LHX9: variants seen among roughly 807,000 people sequenced by gnomAD.
The protein encoded by LHX9 is LIM homeobox 9, also known as LIM/homeobox protein Lhx9.
LHX9 carries 9 observed loss-of-function variants against 36.5 expected under a neutral mutation model. The observed-to-expected ratio is 0.25, with a 90% CI of 0.15 to 0.43. The LOEUF is 0.43. LHX9 is among the 20% of genes least tolerant of loss of function. The pLI, the probability that LHX9 is intolerant of heterozygous loss-of-function variation, is 1.00. For synonymous variants in LHX9, 211 were observed against 212.1 expected (o/e 0.99, Z 0.04); for missense variants, 464 against 526.4 (o/e 0.88, Z 1.16).
intron 1 of LHX9, chr1:197,918,317 C>A: frequency 1.4e-6 from 1 of 717,458 alleles, no homozygotes; most frequent in Non-Finnish European, 2.6e-6. Context: ...CCGGGGCAGG[C>A]GTCTCCCCGG....
chr1:197,917,865 T>C lies in LHX9; in HGVS notation c.42T>C (p.Pro14=). 6.2e-7 allele frequency: 1 copy of C among 1,614,228 alleles called. No homozygotes were observed. The highest frequency in any genetic ancestry group is 8.5e-7 in the Non-Finnish European group (1 of 1,180,036). The change falls in exon 1 of 5, where the codon CCT becomes CCC. Residue 14 remains proline (P), a synonymous_variant. Coordinates refer to ENST00000367387, the MANE Select transcript of LHX9 (RefSeq NM_020204.3). ...VGCRAEDNSC[P]FRPPAMLFHG... ...GCCGAGCAGAAGACAACTCGTGTCC[T>C]TTCCGCCCCCCAGCCATGCTCTTTC...
chr1:197,934,978 G>C lies in LHX9; in HGVS notation c.*5719G>C, dbSNP rs772976337. The stretch of plus-strand genomic sequence containing the variant: ...TTATGAGGTTCCCTGGCAGTTGGGG[G>C]GGTGGTGAGGTTGGGAGAGGGAAAG... On this transcript the variant is annotated 3_prime_UTR_variant, in exon 5 of 5. Coordinates refer to ENST00000367387, the MANE Select transcript of LHX9 (RefSeq NM_020204.3). 5.3e-5 allele frequency: 8 copies of C among 152,140 alleles called. No individual in the cohort carries two copies. Among genetic ancestry groups the C allele is most frequent in the African/African-American group, 1.9e-4 (8 of 41,528 alleles). 9.4% of individuals were successfully genotyped at this position (152,140 alleles called of 1,614,324 possible). A position where few individuals can be genotyped will look rare whatever the true frequency, so the allele number is the denominator to read the frequency against.
rs895395023 is a variant in LHX9 at position 197,929,344 on chromosome 1, CT to C, written c.*94del. 1.4e-4 allele frequency: 162 copies of C among 1,178,572 alleles called. No homozygotes were observed. Among genetic ancestry groups the C allele is most frequent in the Middle Eastern group, 3.2e-4 (1 of 3,170 alleles). 73.0% of individuals were successfully genotyped at this position (1,178,572 alleles called of 1,614,324 possible). On this transcript the variant is annotated 3_prime_UTR_variant, in exon 5 of 5. Transcript: ENST00000367387. ...TATTATTATTTTATTATTTACAAGACTTTTTTTTTCTTCTAACCCACAAGAT... is the reference window on the plus strand; with the variant it reads ...TATTATTATTTTATTATTTACAAGACTTTTTTTTCTTCTAACCCACAAGAT...
chr1:197,917,262 G>T (rs756646977), upstream of LHX9: 22 of 1,217,860 alleles, frequency 1.8e-5, no homozygotes, highest in Non-Finnish European at 2.1e-5. Flanking sequence ...GGTCTTTGTT[G>T]TCTGAATAAA....
chr1:197,925,643 A>G (rs1214559108), intron 3 of LHX9, among the ~76,000 whole-genome samples: 1 of 152,174 alleles, frequency 6.6e-6, no homozygotes, highest in Non-Finnish European at 1.5e-5. Context: ...TGAGGATATG[A>G]AAGTGCAATT....
chr1:197,927,339 C>A (rs1255781499), intron 3 of LHX9, among the ~76,000 whole-genome samples: 2 of 152,200 alleles, frequency 1.3e-5, no homozygotes, highest in Non-Finnish European at 2.9e-5. Flanking sequence ...TTCTAGCAAC[C>A]ATTAAACAAA....
chr1:197,929,299 CTTT>C lies in LHX9; in HGVS notation c.*43_*45del, dbSNP rs766105659. The C allele has an allele frequency of 1.8e-5, 22 of 1,256,810 alleles. No individual in the cohort carries two copies. The highest frequency in any genetic ancestry group is 1.7e-4 in the African/African-American group (11 of 63,918). The allele number at this position is 1,256,810 out of a possible 1,614,324, so 77.9% of individuals were successfully genotyped here. The stretch of plus-strand genomic sequence containing the variant: ...TTTTAGTTTTTAAATTCTTCCTCTT[CTTT>C]TTATTATTATTCTAATTATTATTAT... On this transcript the variant is annotated 3_prime_UTR_variant, in exon 5 of 5. Transcript: ENST00000367387.
intron 3 of LHX9, among the ~76,000 whole-genome samples, chr1:197,922,457 C>A (rs542345433): frequency 1.3e-5 from 2 of 152,164 alleles, no homozygotes; most frequent in Non-Finnish European, 2.9e-5. Flanking sequence ...TTGGGGGACA[C>A]GCCTATCATG....
chr1:197,921,122 C>T lies in LHX9; in HGVS notation c.378-182C>T, dbSNP rs185320862. Among the ~76,000 whole-genome samples the T allele has an allele frequency of 7.1e-6, 1 of 141,288 alleles. No individual in the cohort carries two copies. The highest frequency in any genetic ancestry group is 1.7e-5 in the Non-Finnish European group (1 of 60,500). The allele number at this position is 141,288 out of a possible 152,430, so 92.7% of individuals were successfully genotyped here. A position where few individuals can be genotyped will look rare whatever the true frequency, so the allele number is the denominator to read the frequency against. The stretch of plus-strand genomic sequence containing the variant: ...ATTCTTCTGACTTTAATGTAAAGAT[C>T]CTTTGTCTTGGTTTATCAGAAAAGG... On this transcript the variant is annotated intron_variant, in intron 2 of 4. Coordinates refer to ENST00000367387, the MANE Select transcript of LHX9 (RefSeq NM_020204.3). The surrounding 1 kb of genome is among the most constrained non-coding windows in gnomAD (Gnocchi z 4.6).
In LHX9 at chr1:197,920,143, G is replaced by T. The variant is rs1268938657; in HGVS notation, c.346G>T (p.Gly116Cys). 6.2e-7 allele frequency: 1 copy of T among 1,614,054 alleles called. No individual in the cohort carries two copies. Among genetic ancestry groups the T allele is most frequent in the Non-Finnish European group, 8.5e-7 (1 of 1,180,034 alleles). ...ESELTCFAKD[G>C]SIYCKEDYYR... ...CGAGCTCACCTGCTTTGCCAAGGACGGTAGCATTTACTGCAAGGAGGATTA... is the reference window on the plus strand; with the variant it reads ...CGAGCTCACCTGCTTTGCCAAGGACTGTAGCATTTACTGCAAGGAGGATTA... Residue 116 changes from glycine to cysteine, a missense_variant, in exon 2 of 5, where the codon GGT becomes TGT. By Grantham distance (159) the Gly-to-Cys change is radical. Coordinates refer to ENST00000367387, the MANE Select transcript of LHX9 (RefSeq NM_020204.3).
intron 1 of LHX9, 89 bp from the exon 2 acceptor site, chr1:197,919,883 C>G (rs935407148): frequency 3.6e-6 from 5 of 1,383,652 alleles, no homozygotes; most frequent in Admixed American, 3.5e-5. Context: ...TCCCTGCACA[C>G]CCTGGGCTTG....
At chr1:197,920,502 GT>G (rs955825585) in intron 2 of LHX9, among the ~76,000 whole-genome samples, 5 of 152,166 alleles carry the variant, frequency 3.3e-5, no homozygotes, top group African/African-American at 9.7e-5. Flanking sequence ...TTGATTGGGT[GT>G]TTGTTTTCCG....
chr1:197,919,363 T>G (rs1391476601), intron 1 of LHX9, among the ~76,000 whole-genome samples: 2 of 152,158 alleles, frequency 1.3e-5, no homozygotes, highest in African/African-American at 4.8e-5. Flanking sequence ...GAACAGCCAC[T>G]TTACACATTT....
chr1:197,927,301 CTTAGGGT>C (rs1179385978), intron 3 of LHX9, among the ~76,000 whole-genome samples: 2 of 152,196 alleles, frequency 1.3e-5, no homozygotes, highest in Non-Finnish European at 2.9e-5. Flanking sequence ...CACCTTACTA[CTTAGGGT>C]TTGTTCATAT....
At chr1:197,927,930 G>C in intron 4 of LHX9, 137 bp downstream of exon 4, 1 of 856,556 alleles carries the variant, frequency 1.2e-6, no homozygotes, top group Non-Finnish European at 1.8e-6. Context: ...TCTCCCTAGA[G>C]GGTGTTCTGA....
rs1163548042 is a variant in LHX9 at position 197,921,640 on chromosome 1, C to A, written c.714C>A (p.Asp238Glu). 1 of 1,590,502 alleles carries A rather than the reference C, an allele frequency of 6.3e-7. No individual in the cohort carries two copies. The part of the protein sequence containing the change: ...RKRKSPALGV[D>E]IVNYNSGCNE... The stretch of plus-strand genomic sequence containing the variant: ...GGAAGAGCCCAGCGCTGGGAGTGGA[C>A]ATCGTCAATTACAACTCAGGTGTGC... Residue 238 changes from aspartate (D) to glutamate (E), a missense_variant, in exon 3 of 5, where the codon GAC becomes GAA. Coordinates refer to ENST00000367387, the MANE Select transcript of LHX9 (RefSeq NM_020204.3). This position sits in a 1 kb window ranked among gnomAD's most constrained non-coding sequence, Gnocchi z 4.6.
chr1:197,913,734 T>C (rs895378039), upstream of LHX9, among the ~76,000 whole-genome samples: 8 of 152,140 alleles, frequency 5.3e-5, no homozygotes, highest in African/African-American at 1.9e-4. Context: ...GAGCCGCGCC[T>C]TTCAAACCGA....
At position 197,930,928 on chromosome 1, in the gene LHX9, A is replaced by G. The variant is rs967412261; in HGVS notation, c.*1669A>G. On this transcript the variant is annotated 3_prime_UTR_variant, in exon 5 of 5. Coordinates refer to ENST00000367387, the MANE Select transcript of LHX9 (RefSeq NM_020204.3). ...ATTTTGGGCATTTACCACTAACCAGACCAAACAACCTTGGTAAGGCTGAGA... is the reference window on the plus strand; with the variant it reads ...ATTTTGGGCATTTACCACTAACCAGGCCAAACAACCTTGGTAAGGCTGAGA... The G allele has an allele frequency of 1.3e-5, 2 of 151,994 alleles. No individual in the cohort carries two copies. The highest frequency in any genetic ancestry group is 2.9e-5 in the Non-Finnish European group (2 of 67,862). The allele number at this position is 151,994 out of a possible 1,614,324, so 9.4% of individuals were successfully genotyped here.
chr1:197,923,689 T>C (rs1478401181), intron 3 of LHX9, among the ~76,000 whole-genome samples: 1 of 152,222 alleles, frequency 6.6e-6, no homozygotes, highest in Non-Finnish European at 1.5e-5. Context: ...GCCTTGGATC[T>C]TCATGTTAGA....
Sources: gnomAD v4.1 joint callset for allele counts (sites outside exome capture counted in the v4.1 genomes callset) on GRCh38, gnomAD v4.1.1 for gene constraint, Gnocchi (gnomAD v3.1) non-coding constraint, MANE v1.5 for transcripts, NCBI Gene and HGNC (gene_info 2026-07-23, HGNC 2026-07-21) for gene names.